ARSG: variants seen among roughly 807,000 people sequenced by gnomAD.
ARSG encodes arylsulfatase G.
In ARSG, 37 loss-of-function variants were observed where a neutral mutation model predicts 50.5. That is an observed-to-expected ratio of 0.73 (90% CI 0.56 to 0.96). The LOEUF is 0.96. ARSG is among the 50% of genes least tolerant of loss of function. The pLI is 0.00. For missense variants in ARSG, 629 were observed against 675.3 expected (o/e 0.93, Z 0.76); for synonymous variants, 225 against 254.6 (o/e 0.88, Z 1.11).
In ARSG at chr17:68,370,430, T is replaced by C. The variant is rs2079776990; in HGVS notation, c.902-14T>C. The C allele has an allele frequency of 6.2e-7, 1 of 1,613,710 alleles. No individual in the cohort carries two copies. The highest frequency in any genetic ancestry group is 1.7e-5 in the Admixed American group (1 of 59,952). On this transcript the variant is annotated splice_polypyrimidine_tract_variant and intron_variant, in intron 7 of 11. Coordinates refer to ENST00000621439, the MANE Select transcript of ARSG (RefSeq NM_001267727.2). ...ACCAGCCTGGTGACCATTAATGCTT[T>C]TTCTGGTTTCTAGGAGACAATGGCC...
chr17:68,347,428 C>T (rs77434707), intron 4 of ARSG, among the ~76,000 whole-genome samples: 2,691 of 152,282 alleles, frequency 0.018, 48 homozygotes, highest in Non-Finnish European at 0.025. Context: ...GGCCCATCAG[C>T]TTTTTTGCCA....
intron 2 of ARSG, among the ~76,000 whole-genome samples, chr17:68,309,980 G>GT (rs140921838): frequency 1.2e-3 from 175 of 147,854 alleles, no homozygotes; most frequent in African/African-American, 2.5e-3. Flanking sequence ...GTTTTGTTGT[G>GT]TTTTTTTTTT....
At chr17:68,415,117 A>G (rs1230271922) in intron 11 of ARSG, among the ~76,000 whole-genome samples, 1 of 152,044 alleles carries the variant, frequency 6.6e-6, no homozygotes, top group Admixed American at 6.6e-5. Flanking sequence ...TGACCTTAGA[A>G]TGTCAGTTTG....
At chr17:68,446,205 G>A in the ARSG span, among the ~76,000 whole-genome samples, 1 of 151,574 alleles carries the variant, frequency 6.6e-6, no homozygotes, top group East Asian at 1.9e-4. Context: ...TTTTCAGACA[G>A]GGTCTCGTTC....
chr17:68,357,720 G>T (rs1337805303), intron 6 of ARSG, among the ~76,000 whole-genome samples: 1 of 152,180 alleles, frequency 6.6e-6, no homozygotes, highest in Non-Finnish European at 1.5e-5. Flanking sequence ...GCATTAGGGA[G>T]TGGTGGGGTC....
chr17:68,263,338 A>C (rs2075103155), intron 1 of ARSG, among the ~76,000 whole-genome samples: 1 of 152,240 alleles, frequency 6.6e-6, no homozygotes, highest in African/African-American at 2.4e-5. Context: ...GGACACATGC[A>C]ATATAAACAC....
chr17:68,328,377 G>A (rs928025755), intron 2 of ARSG, among the ~76,000 whole-genome samples: 2 of 152,154 alleles, frequency 1.3e-5, no homozygotes, highest in Admixed American at 1.3e-4. Context: ...TTTTGCAGAA[G>A]AAGATAACTG....
chr17:68,430,962 G>GTAGCTACTAGCTACCAGAGA, the ARSG span, among the ~76,000 whole-genome samples: 1 of 152,138 alleles, frequency 6.6e-6, no homozygotes, highest in Non-Finnish European at 1.5e-5. Flanking sequence ...ATGGGCTAGG[G>GTAGCTACTAGCTACCAGAGA]GGTCTTTGGA....
chr17:68,385,086 G>T lies in ARSG; in HGVS notation c.1005G>T (p.Thr335=). 6.2e-7 allele frequency: 1 copy of T among 1,614,024 alleles called. No individual in the cohort carries two copies. The highest frequency in any genetic ancestry group is 2.2e-5 in the East Asian group (1 of 44,866). ...TRQGGSPAKQ[T]TWEGGHRVPA... ...CAGGGGGAAGTCCAGCCAAGCAGAC[G>T]ACCTGGGAAGGAGGGCACCGGGTCC... The change falls in exon 9 of 12, where the codon ACG becomes ACT. Residue 335 remains threonine, a synonymous_variant. Transcript: ENST00000621439.
intron 2 of ARSG, among the ~76,000 whole-genome samples, chr17:68,326,620 G>A (rs781937973): frequency 2.6e-5 from 4 of 152,200 alleles, no homozygotes; most frequent in Admixed American, 6.5e-5. Flanking sequence ...AGCCGAGATC[G>A]TGCCATTGCA....
At chr17:68,418,412 AT>A (rs1415088485) in intron 11 of ARSG, among the ~76,000 whole-genome samples, 1 of 152,078 alleles carries the variant, frequency 6.6e-6, no homozygotes, top group African/African-American at 2.4e-5. Flanking sequence ...GCAATGAAGA[AT>A]AATCAAATTC....
At position 68,381,712 on chromosome 17, in the gene ARSG, G is replaced by A. The variant is rs1176964148; in HGVS notation, c.983-3352G>A. 6.6e-6 allele frequency among the ~76,000 whole-genome samples: 1 copy of A among 152,128 alleles called. No individual in the cohort carries two copies. Among genetic ancestry groups the A allele is most frequent in the African/African-American group, 2.4e-5 (1 of 41,408 alleles). On this transcript the variant is annotated intron_variant, in intron 8 of 11. Coordinates refer to ENST00000621439, the MANE Select transcript of ARSG (RefSeq NM_001267727.2). The surrounding 1 kb of genome is among the most constrained non-coding windows in gnomAD (Gnocchi z 4.1). ...ATCTTGCCCCTTGCCCTCCTTCCCT[G>A]GGAATGAGTGCTCTCCCCACTAAAT...
intron 2 of ARSG, among the ~76,000 whole-genome samples, chr17:68,328,986 C>T (rs1483423861): frequency 6.6e-6 from 1 of 152,190 alleles, no homozygotes; most frequent in African/African-American, 2.4e-5. Context: ...GAACTCTAAT[C>T]TGGATAAGGG....
At chr17:68,299,512 G>A (rs1555760674) in intron 1 of ARSG, among the ~76,000 whole-genome samples, 5 of 151,890 alleles carry the variant, frequency 3.3e-5, no homozygotes, top group South Asian at 2.1e-4. Flanking sequence ...AACCTGGATC[G>A]GATCTCATCC....
Position 68,347,485 on chromosome 17 carries a change from C to T in ARSG, c.454+313C>T, listed in dbSNP as rs62088761. 1.4e-3 allele frequency among the ~76,000 whole-genome samples: 212 copies of T among 152,268 alleles called. 1 individual carries two copies. Among genetic ancestry groups the T allele is most frequent in the Non-Finnish European group, 2.5e-3 (168 of 68,022 alleles). On this transcript the variant is annotated intron_variant, in intron 4 of 11. Coordinates refer to ENST00000621439, the MANE Select transcript of ARSG (RefSeq NM_001267727.2). ...AGGGAACATTCTGCCCCATGAGGTC[C>T]AGACATGGCTAATCTGGGAAGAAGT...
chr17:68,395,777 C>T (rs1031202360), intron 10 of ARSG, among the ~76,000 whole-genome samples: 7 of 152,280 alleles, frequency 4.6e-5, no homozygotes, highest in Non-Finnish European at 7.4e-5. Context: ...GAGCCTCACC[C>T]TCTAGAATGG....
At chr17:68,382,023 T>C (rs1257389624) in intron 8 of ARSG, among the ~76,000 whole-genome samples, 2 of 151,856 alleles carry the variant, frequency 1.3e-5, no homozygotes, top group Admixed American at 1.3e-4. Context: ...CAATTTTGGC[T>C]CACTGCAACC....
upstream of ARSG, among the ~76,000 whole-genome samples, chr17:68,286,914 T>G (rs1355989288): frequency 6.6e-6 from 1 of 152,214 alleles, no homozygotes; most frequent in Admixed American, 6.5e-5. Flanking sequence ...CTTGCAAACA[T>G]GGGTGTAAAG....
At chr17:68,362,096 G>C (rs1393354719) in intron 6 of ARSG, among the ~76,000 whole-genome samples, 1 of 152,140 alleles carries the variant, frequency 6.6e-6, no homozygotes, top group Admixed American at 6.5e-5. Flanking sequence ...TCAGGATGCA[G>C]AGATGAAAGA....
Sources: allele counts gnomAD v4.1 joint callset (sites outside exome capture counted in the v4.1 genomes callset), GRCh38; gene constraint gnomAD v4.1.1; non-coding constraint Gnocchi (gnomAD v3.1); transcripts MANE v1.5; gene names NCBI Gene and HGNC (gene_info 2026-07-23, HGNC 2026-07-21).